Variants in LIN28B observed in about 807,000 individuals in gnomAD.
LIN28B encodes protein lin-28 homolog B.
A neutral mutation model predicts 21.9 loss-of-function variants in LIN28B; 5 were observed. The observed-to-expected ratio is 0.23, with a 90% CI of 0.12 to 0.48. The LOEUF is 0.48. Among genes scored for constraint, LIN28B ranks in the 20% least tolerant of loss-of-function variants. LIN28B has a pLI of 0.98. For synonymous variants in LIN28B, 109 were observed against 111.3 expected (o/e 0.98, Z 0.13); for missense variants, 245 against 310.5 (o/e 0.79, Z 1.58).
chr6:105,078,898 G>A lies in LIN28B; in HGVS notation c.*115G>A. 2.4e-6 allele frequency: 3 copies of A among 1,240,846 alleles called. No individual in the cohort carries two copies. In the South Asian group the frequency reaches 4.6e-5, roughly 19 times the overall value. The allele number at this position is 1,240,846 out of a possible 1,614,324, so 76.9% of individuals were successfully genotyped here. A position where few individuals can be genotyped will look rare whatever the true frequency, so the allele number is the denominator to read the frequency against. ...GACCTGGGATTTTAACTACTATTGG[G>A]GAACTGTGAATTTTTTAAACAGACA... On this transcript the variant is annotated 3_prime_UTR_variant, in exon 4 of 4. Transcript: ENST00000345080.
At chr6:105,033,408 T>A (rs1040017235) in intron 3 of LIN28B, among the ~76,000 whole-genome samples, 1 of 151,980 alleles carries the variant, frequency 6.6e-6, no homozygotes, top group African/African-American at 2.4e-5. Context: ...GCAAAAAAAA[T>A]GTAAAATAAT....
upstream of LIN28B, among the ~76,000 whole-genome samples, chr6:104,955,401 A>G (rs1214857740): frequency 6.6e-6 from 1 of 151,898 alleles, no homozygotes; most frequent in African/African-American, 2.4e-5. Flanking sequence ...GAGAAATAAC[A>G]AAAGGAATAA....
At chr6:104,974,640 C>T (rs1289809475) in intron 2 of LIN28B, among the ~76,000 whole-genome samples, 3 of 151,776 alleles carry the variant, frequency 2.0e-5, no homozygotes, top group African/African-American at 7.3e-5. Context: ...AAAGAGTAAT[C>T]TCTTTACTTA....
intron 2 of LIN28B, among the ~76,000 whole-genome samples, chr6:104,989,728 T>C (rs1770424805): frequency 1.3e-5 from 2 of 151,514 alleles, no homozygotes; most frequent in Admixed American, 1.3e-4. Context: ...GTAGCTGGGA[T>C]TACAGGCCCT....
intron 2 of LIN28B, 69 bp downstream of exon 2, chr6:104,958,355 A>G: frequency 1.6e-6 from 2 of 1,228,280 alleles, no homozygotes; most frequent in Non-Finnish European, 2.3e-6. Flanking sequence ...TAGTTATGCC[A>G]ATAGACGTAC....
At chr6:104,977,343 C>T (rs1033201864) in intron 2 of LIN28B, among the ~76,000 whole-genome samples, 5 of 152,172 alleles carry the variant, frequency 3.3e-5, no homozygotes, top group Admixed American at 1.3e-4. Context: ...TTCAGAACCT[C>T]GCCCCAAAGT....
chr6:105,042,191 G>A (rs1470898809), intron 3 of LIN28B, among the ~76,000 whole-genome samples: 2 of 152,094 alleles, frequency 1.3e-5, no homozygotes, highest in East Asian at 3.9e-4. Context: ...AAGAAAAAGT[G>A]CCATTATGAG....
rs567197180 is a variant in LIN28B at position 105,005,077 on chromosome 6, T to C, written c.199-21221T>C. 2.0e-5 allele frequency among the ~76,000 whole-genome samples: 3 copies of C among 152,314 alleles called. No homozygotes were observed. The South Asian group carries it at 6.2e-4, about 32-fold the overall frequency. On this transcript the variant is annotated intron_variant, in intron 2 of 3. Transcript: ENST00000345080. ...CAAACTTTTAAAGACTCCATTGGTC[T>C]GATAGTTTGGCCAGGTATAGAATTA... is the stretch of plus-strand genomic sequence containing the variant.
chr6:105,067,574 T>C (rs562844384), intron 3 of LIN28B, among the ~76,000 whole-genome samples: 91 of 152,250 alleles, frequency 6.0e-4, no homozygotes, highest in Non-Finnish European at 8.5e-4. Flanking sequence ...CTCTCTCTCT[T>C]TTTTTTAAAC....
At chr6:104,975,416 C>T (rs556986810) in intron 2 of LIN28B, among the ~76,000 whole-genome samples, 10 of 152,060 alleles carry the variant, frequency 6.6e-5, no homozygotes, top group African/African-American at 1.9e-4. Flanking sequence ...ACACTAAATC[C>T]CCACTACTAC....
chr6:104,948,717 A>AT (rs1778186364), intron 2 of LIN28B, among the ~76,000 whole-genome samples: 2 of 152,260 alleles, frequency 1.3e-5, no homozygotes, highest in South Asian at 4.1e-4. Context: ...AAACAATGCT[A>AT]TTTTTTCTAC....
intron 2 of LIN28B, among the ~76,000 whole-genome samples, chr6:104,942,194 G>C (rs537008809): frequency 3.4e-4 from 51 of 152,158 alleles, no homozygotes; most frequent in African/African-American, 1.2e-3. Context: ...TTTATTTATC[G>C]ATCACAAATA....
chr6:105,028,210 G>A (rs1771326534), intron 3 of LIN28B, among the ~76,000 whole-genome samples: 1 of 151,242 alleles, frequency 6.6e-6, no homozygotes, highest in African/African-American at 2.5e-5. Flanking sequence ...AATAGTGGAG[G>A]TTGAGATTTG....
At chr6:104,953,465 G>A (rs559857554), upstream of LIN28B, among the ~76,000 whole-genome samples, 7 of 152,180 alleles carry the variant, frequency 4.6e-5, no homozygotes, top group Admixed American at 1.3e-4. Context: ...TAGGTTGTGC[G>A]TAGTGTTTTT....
At chr6:105,046,870 T>G (rs1771778525) in intron 3 of LIN28B, among the ~76,000 whole-genome samples, 1 of 152,224 alleles carries the variant, frequency 6.6e-6, no homozygotes, top group Non-Finnish European at 1.5e-5. Flanking sequence ...GGTTGTTTGT[T>G]TTTTTCTTGT....
At chr6:104,944,829 G>A (rs1447716973) in intron 2 of LIN28B, among the ~76,000 whole-genome samples, 1 of 152,074 alleles carries the variant, frequency 6.6e-6, no homozygotes, top group African/African-American at 2.4e-5. Flanking sequence ...GGTCAAAGGT[G>A]ACAAATCAGG....
At chr6:105,008,749 G>A (rs535186261) in intron 2 of LIN28B, among the ~76,000 whole-genome samples, 8 of 152,170 alleles carry the variant, frequency 5.3e-5, no homozygotes, top group African/African-American at 1.7e-4. Flanking sequence ...CATAGCGGAA[G>A]CAGTTGAAGA....
intron 2 of LIN28B, among the ~76,000 whole-genome samples, chr6:105,012,481 C>A (rs1005478867): frequency 2.0e-5 from 3 of 150,992 alleles, no homozygotes; most frequent in East Asian, 3.9e-4. Flanking sequence ...AAAAAAAAAA[C>A]AAAAACAAAC....
chr6:105,016,962 A>G (rs1771041511), intron 2 of LIN28B, among the ~76,000 whole-genome samples: 1 of 151,672 alleles, frequency 6.6e-6, no homozygotes, highest in Admixed American at 6.6e-5. Flanking sequence ...GGTCCCAGCA[A>G]CTTGGGAGCC....
Sources: allele counts gnomAD v4.1 joint callset (sites outside exome capture counted in the v4.1 genomes callset), GRCh38; gene constraint gnomAD v4.1.1; transcripts MANE v1.5; gene names NCBI Gene and HGNC (gene_info 2026-07-23, HGNC 2026-07-21).